The following SLC2A2 variants were observed in gnomAD, a reference collection of about 807,000 sequenced individuals.
SLC2A2 encodes solute carrier family 2, facilitated glucose transporter member 2.
SLC2A2 carries 36 observed loss-of-function variants against 54.5 expected under a neutral mutation model. That is an observed-to-expected ratio of 0.66 (90% CI 0.51 to 0.87). The LOEUF (loss-of-function observed/expected upper bound fraction) is 0.87, where lower values mean the gene tolerates loss of function less well. Among genes scored for constraint, SLC2A2 ranks in the 40% least tolerant of loss-of-function variants. The probability of loss-of-function intolerance (pLI) is 0.00; values close to 1 mark genes in which losing one functional copy is unlikely to be tolerated. For missense variants in SLC2A2, 543 were observed against 624.3 expected, an observed-to-expected ratio of 0.87 and a Z score of 1.39; for synonymous variants, 223 against 219.1, an observed-to-expected ratio of 1.02 and a Z score of -0.16.
intron 2 of SLC2A2, among the ~76,000 whole-genome samples, chr3:171,017,834 C>T (rs146806476): frequency 5.3e-5 from 8 of 152,084 alleles, no homozygotes; most frequent in East Asian, 1.9e-4. Flanking sequence ...TAGGGATGCA[C>T]GAAATATATG....
chr3:171,007,113 G>A (rs1316961072), intron 5 of SLC2A2, 35 bp downstream of exon 5: 1 of 1,144,666 alleles, frequency 8.7e-7, no homozygotes, highest in Non-Finnish European at 1.3e-6. Context: ...TGAAGTAGAT[G>A]GGTGCAGTAG....
Position 170,999,845 on chromosome 3 carries a change from A to T in SLC2A2, c.1069-679T>A, listed in dbSNP as rs572910448. On this transcript the variant is annotated intron_variant, in intron 8 of 10. Transcript: ENST00000314251. ...AAGCAAAGGGTTAAAATGCTTTCTT[A>T]TCTTAACTGAGGAGATACGTCATTG... is the stretch of plus-strand genomic sequence containing the variant. Among the ~76,000 whole-genome samples the T allele has an allele frequency of 2.0e-5, 3 of 152,256 alleles. No homozygotes were observed. In the East Asian group the frequency reaches 5.8e-4, roughly 29 times the overall value.
In SLC2A2 at chr3:171,022,521, A is replaced by G. The variant is rs1336178606; in HGVS notation, c.16-3898T>C. Among the ~76,000 whole-genome samples, 3 of 152,336 alleles carry G rather than the reference A, an allele frequency of 2.0e-5. No individual in the cohort carries two copies. The East Asian group carries it at 5.8e-4, about 29-fold the overall frequency. ...AAAGGCAAAGCCTACTCAATTGCTC[A>G]TCGGTAGCTGAGCTGAAGAGGAACC... On this transcript the variant is annotated intron_variant, in intron 1 of 10. Transcript: ENST00000314251.
intron 1 of SLC2A2, among the ~76,000 whole-genome samples, chr3:171,021,609 G>A (rs1048618924): frequency 6.6e-6 from 1 of 152,198 alleles, no homozygotes; most frequent in Non-Finnish European, 1.5e-5. Flanking sequence ...AGCATAGCGA[G>A]ATCCCCATCT....
intron 3 of SLC2A2, among the ~76,000 whole-genome samples, chr3:171,012,314 A>G (rs1037738523): frequency 4.6e-5 from 7 of 152,198 alleles, no homozygotes. Context: ...TCATTTTCAT[A>G]CAGCTATTAA....
Position 171,014,543 on chromosome 3 carries a change from C to G in SLC2A2, c.297G>C (p.Leu99=). 1 of 1,614,170 alleles carries G rather than the reference C, an allele frequency of 6.2e-7. No homozygotes were observed. Among genetic ancestry groups the G allele is most frequent in the East Asian group, 2.2e-5 (1 of 44,884 alleles). ...AAQLITMLWS[L]SVSSFAVGGM... ...CACCAACTGCAAAGCTGGATACAGA[C>G]AGGGACCAGAGCATGGTGATTAGTT... Residue 99 remains leucine, a synonymous_variant, in exon 3 of 11, where the codon CTG becomes CTC. Transcript: ENST00000314251.
chr3:171,020,744 C>T (rs1188909952), intron 1 of SLC2A2, among the ~76,000 whole-genome samples: 1 of 151,674 alleles, frequency 6.6e-6, no homozygotes, highest in Non-Finnish European at 1.5e-5. Flanking sequence ...ATTAGCAGGG[C>T]ATGGTGGTGT....
intron 3 of SLC2A2, among the ~76,000 whole-genome samples, chr3:171,013,226 C>A (rs1715971404): frequency 6.6e-6 from 1 of 152,018 alleles, no homozygotes; most frequent in South Asian, 2.1e-4. Flanking sequence ...TTTACTTTAG[C>A]AATAAATAAT....
At chr3:171,023,003 A>G (rs1716532522) in intron 1 of SLC2A2, among the ~76,000 whole-genome samples, 1 of 152,234 alleles carries the variant, frequency 6.6e-6, no homozygotes, top group Non-Finnish European at 1.5e-5. Context: ...GCTGCCTCTA[A>G]GATCAGTTTC....
intron 2 of SLC2A2, among the ~76,000 whole-genome samples, chr3:171,015,529 TG>T (rs1716109316): frequency 6.6e-6 from 1 of 152,188 alleles, no homozygotes; most frequent in Non-Finnish European, 1.5e-5. Context: ...GTGTTACTTC[TG>T]CACAGCAGGA....
chr3:171,021,210 A>T (rs1229893347), intron 1 of SLC2A2, among the ~76,000 whole-genome samples: 1 of 152,164 alleles, frequency 6.6e-6, no homozygotes, highest in Non-Finnish European at 1.5e-5. Flanking sequence ...TTCCAAGGAT[A>T]GGGATTTTCA....
At chr3:171,017,128 A>G (rs556942716) in intron 2 of SLC2A2, among the ~76,000 whole-genome samples, 3 of 152,294 alleles carry the variant, frequency 2.0e-5, no homozygotes, top group Admixed American at 1.3e-4. Context: ...CTGGGATTAC[A>G]GGAGTGAGCC....
At position 170,996,693 on chromosome 3, in the gene SLC2A2, A is replaced by G; in HGVS notation, c.*1210T>C. 1 of 397,852 alleles carries G rather than the reference A, an allele frequency of 2.5e-6. No individual in the cohort carries two copies. The allele number at this position is 397,852 out of a possible 1,614,324, so 24.6% of individuals were successfully genotyped here. On this transcript the variant is annotated 3_prime_UTR_variant, in exon 11 of 11. Coordinates refer to ENST00000314251, the MANE Select transcript of SLC2A2 (RefSeq NM_000340.2). ...GGTAAAGGCAGATAGATAGTGTACA[A>G]TGCGTGTTAGTAATGGCCATAGAAT...
At chr3:171,013,960 C>T (rs1444892236) in intron 3 of SLC2A2, among the ~76,000 whole-genome samples, 1 of 135,076 alleles carries the variant, frequency 7.4e-6, no homozygotes, top group Admixed American at 7.2e-5. Context: ...CAAGCAGTAC[C>T]AGCAGCCAGA....
chr3:170,996,518 G>C lies in SLC2A2; in HGVS notation c.*1385C>G, dbSNP rs926301873. On this transcript the variant is annotated 3_prime_UTR_variant, in exon 11 of 11. Coordinates refer to ENST00000314251, the MANE Select transcript of SLC2A2 (RefSeq NM_000340.2). ...AAGCAAACATAAGAAGGATTGATCA[G>C]TGCTCCAGTTGGTGGAGAAAACAGC... 1 of 397,158 alleles carries C rather than the reference G, an allele frequency of 2.5e-6. No individual in the cohort carries two copies. Among genetic ancestry groups the C allele is most frequent in the Non-Finnish European group, 4.4e-6 (1 of 225,104 alleles). 24.6% of individuals were successfully genotyped at this position (397,158 alleles called of 1,614,324 possible).
At chr3:170,998,519 G>A (rs183352317) in intron 9 of SLC2A2, 123 bp from the exon 10 acceptor site, 1 of 738,938 alleles carries the variant, frequency 1.4e-6, no homozygotes, top group African/African-American at 1.8e-5. Flanking sequence ...GTTCAAGCAA[G>A]TATAAGTTAT....
chr3:171,014,683 G>A lies in SLC2A2; in HGVS notation c.157C>T (p.Arg53Ter), dbSNP rs771477447. ...ATAACATAGTTGTTGATAGCTTTTC[G>A]GTCATCCAGTGGAACACCCAAAACA... ...RHVLGVPLDDRKAINNYVINS... is the reference protein window; with the variant it reads ...RHVLGVPLDD Residue 53 changes from arginine (R) to a stop codon, truncating the protein, a stop_gained, in exon 3 of 11, where the codon CGA becomes TGA. Transcript: ENST00000314251. LOFTEE classifies it high-confidence loss of function. 6.8e-6 allele frequency: 11 copies of A among 1,613,684 alleles called. No homozygotes were observed. Among genetic ancestry groups the A allele is most frequent in the East Asian group, 2.2e-5 (1 of 44,886 alleles).
chr3:170,998,442 T>C, intron 9 of SLC2A2, 46 bp from the exon 10 acceptor site: 1 of 1,528,040 alleles, frequency 6.5e-7, no homozygotes. Context: ...ATCATTTGGC[T>C]GCTTTTTCCT....
chr3:171,021,712 T>TG (rs896803692), intron 1 of SLC2A2, among the ~76,000 whole-genome samples: 34 of 152,276 alleles, frequency 2.2e-4, no homozygotes, highest in African/African-American at 7.7e-4. Flanking sequence ...TGGAGGCTGT[T>TG]GGAGAAAATT....
Sources: allele counts gnomAD v4.1 joint callset (sites outside exome capture counted in the v4.1 genomes callset), GRCh38; gene constraint gnomAD v4.1.1; transcripts MANE v1.5; gene names NCBI Gene and HGNC (gene_info 2026-07-23, HGNC 2026-07-21).